DET1: variants seen among roughly 807,000 people sequenced by gnomAD.
DET1 encodes DET1 partner of COP1 E3 ubiquitin ligase.
In DET1, 22 loss-of-function variants were observed where a neutral mutation model predicts 43.7. The ratio of observed to expected loss-of-function variants is 0.50; its 90% CI spans 0.36 to 0.72. DET1 has a LOEUF of 0.72. DET1 is among the 30% of genes least tolerant of loss of function. DET1 has a pLI of 0.00. For missense variants in DET1, 713 were observed against 713.3 expected, an observed-to-expected ratio of 1.00 and a Z score of 0.00; for synonymous variants, 315 against 266.2, an observed-to-expected ratio of 1.18 and a Z score of -1.79.
intron 1 of DET1, among the ~76,000 whole-genome samples, chr15:88,538,304 G>A (rs563329914): frequency 1.3e-5 from 2 of 150,878 alleles, no homozygotes; most frequent in Non-Finnish European, 3.0e-5. Flanking sequence ...ATAAGATACT[G>A]TGGCAAGCTA....
At chr15:88,511,695 G>A, downstream of DET1, 1 of 745,646 alleles carries the variant, frequency 1.3e-6, no homozygotes, top group Non-Finnish European at 1.6e-6. Context: ...CATAGCAGGT[G>A]CTCAAATCCT....
intron 2 of DET1, among the ~76,000 whole-genome samples, chr15:88,530,183 C>T (rs1025591277): frequency 6.6e-6 from 1 of 152,116 alleles, no homozygotes; most frequent in African/African-American, 2.4e-5. Flanking sequence ...TGACATTAAC[C>T]ATTTAAGGAT....
At position 88,516,947 on chromosome 15, in the gene DET1, T is replaced by C. The variant is rs1468813339; in HGVS notation, c.1298A>G (p.Lys433Arg). ...TACTGCCTCTGTGTGCCCTCCATAC[T>C]TGGCATTTATAATAGTGTCTTTGAA... ...RRFKDTIINA[K>R]YGGHTEAVRR... The change falls in exon 4 of 5, where the codon AAG becomes AGG. Residue 433 changes from lysine to arginine, a missense_variant. Coordinates refer to ENST00000268148, the MANE Select transcript of DET1 (RefSeq NM_001144074.3). The surrounding 1 kb of genome is among the most constrained non-coding windows in gnomAD (Gnocchi z 4.4). 1.3e-6 allele frequency: 2 copies of C among 1,599,918 alleles called. No homozygotes were observed. The highest frequency in any genetic ancestry group is 1.3e-5 in the African/African-American group (1 of 74,570).
downstream of DET1, among the ~76,000 whole-genome samples, chr15:88,510,765 T>G (rs1462612554): frequency 1.6e-4 from 23 of 146,912 alleles, no homozygotes; most frequent in Admixed American, 1.6e-3. Context: ...TTTTGTTTTT[T>G]TTTTTGTTTT....
chr15:88,537,836 A>G (rs2056993055), intron 1 of DET1, among the ~76,000 whole-genome samples: 1 of 152,164 alleles, frequency 6.6e-6, no homozygotes, highest in Non-Finnish European at 1.5e-5. Context: ...CTCAAGTTGC[A>G]GCTTAAGTGC....
chr15:88,519,725 C>T (rs1187217003), intron 3 of DET1, among the ~76,000 whole-genome samples: 1 of 152,162 alleles, frequency 6.6e-6, no homozygotes, highest in Non-Finnish European at 1.5e-5. Flanking sequence ...AAAACTACAG[C>T]CTCCAGTTAA....
At chr15:88,536,364 T>G (rs1278090602) in intron 1 of DET1, 4 of 778,048 alleles carry the variant, frequency 5.1e-6, no homozygotes. Context: ...GTCTAATTCC[T>G]TGCTGTATTC....
intron 3 of DET1, among the ~76,000 whole-genome samples, chr15:88,521,602 G>A (rs1264045609): frequency 6.6e-6 from 1 of 152,100 alleles, no homozygotes; most frequent in Non-Finnish European, 1.5e-5. Context: ...AGGTACATGA[G>A]AGGTAATCTT....
chr15:88,512,932 T>G lies in DET1; in HGVS notation c.*19A>C. On this transcript the variant is annotated 3_prime_UTR_variant, in exon 5 of 5. Transcript: ENST00000268148. ...GGCAAAGTCTTGGAAGACCAGATAA[T>G]CTGGCTCTGGTGAGGCACCTACGTG... is the stretch of plus-strand genomic sequence containing the variant. The G allele has an allele frequency of 6.2e-7, 1 of 1,609,958 alleles. No individual in the cohort carries two copies. The highest frequency in any genetic ancestry group is 2.2e-5 in the East Asian group (1 of 44,776).
intron 3 of DET1, among the ~76,000 whole-genome samples, chr15:88,523,205 T>C (rs915894290): frequency 2.6e-5 from 4 of 152,118 alleles, no homozygotes; most frequent in Non-Finnish European, 4.4e-5. Context: ...CTTTATTCTG[T>C]TTGTTTTGTG....
At chr15:88,537,466 G>C (rs1438681700) in intron 1 of DET1, among the ~76,000 whole-genome samples, 2 of 152,098 alleles carry the variant, frequency 1.3e-5, no homozygotes, top group Admixed American at 6.5e-5. Flanking sequence ...CTCCCAAAGT[G>C]CTAGGATTAC....
downstream of DET1, chr15:88,511,581 C>T: frequency 1.0e-6 from 1 of 985,444 alleles, no homozygotes; most frequent in Non-Finnish European, 1.2e-6. Context: ...TCTGTCTCCA[C>T]TGTCCCTAGA....
At chr15:88,515,557 A>AAAAAAAAAAAAAAAAAAAAAAAAAAT (rs1361389235) in intron 4 of DET1, among the ~76,000 whole-genome samples, 1 of 149,052 alleles carries the variant, frequency 6.7e-6, no homozygotes, top group Non-Finnish European at 1.5e-5. Flanking sequence ...AAAAAAAAAA[A>AAAAAAAAAAAAAAAAAAAAAAAAAAT]AAAAAAAAAA....
At chr15:88,512,297 C>T, downstream of DET1, 5 of 977,700 alleles carry the variant, frequency 5.1e-6, no homozygotes, top group Non-Finnish European at 4.9e-6. Context: ...CAAGCAAAAA[C>T]CCGAGGGAAG....
rs1567059846 is a variant in DET1, at chr15:88,518,076, CG to C, written c.1272-1104del. Among the ~76,000 whole-genome samples the C allele has an allele frequency of 2.0e-5, 3 of 151,216 alleles. No homozygotes were observed. The East Asian group carries it at 5.9e-4, about 30-fold the overall frequency. ...ACCTCAGCTTCCCAAGTAGCCAGGA[CG>C]ACAGGTGCGTGCCACCACACCCAGC... On this transcript the variant is annotated intron_variant, in intron 3 of 4. Coordinates refer to ENST00000268148, the MANE Select transcript of DET1 (RefSeq NM_001144074.3).
intron 2 of DET1, among the ~76,000 whole-genome samples, chr15:88,528,648 G>A (rs573660280): frequency 6.6e-6 from 1 of 152,318 alleles, no homozygotes; most frequent in Admixed American, 6.5e-5. Flanking sequence ...GAAGCTCCAA[G>A]AACCCCTAAT....
chr15:88,508,929 G>A (rs888211298), downstream of DET1, among the ~76,000 whole-genome samples: 1 of 152,220 alleles, frequency 6.6e-6, no homozygotes, highest in African/African-American at 2.4e-5. Context: ...TAAAATAATT[G>A]CAGGAACAAA....
At chr15:88,508,640 C>T (rs979041822), downstream of DET1, among the ~76,000 whole-genome samples, 1 of 152,142 alleles carries the variant, frequency 6.6e-6, no homozygotes, top group Non-Finnish European at 1.5e-5. Flanking sequence ...CTAGAGGTGA[C>T]CACTGTATTG....
At chr15:88,539,950 T>C (rs772188521) in intron 1 of DET1, among the ~76,000 whole-genome samples, 1 of 152,150 alleles carries the variant, frequency 6.6e-6, no homozygotes, top group Non-Finnish European at 1.5e-5. Context: ...GAACACTGTG[T>C]AGGGAAACCT....
Sources: allele counts gnomAD v4.1 joint callset (sites outside exome capture counted in the v4.1 genomes callset), GRCh38; gene constraint gnomAD v4.1.1; non-coding constraint Gnocchi (gnomAD v3.1); transcripts MANE v1.5; gene names NCBI Gene and HGNC (gene_info 2026-07-23, HGNC 2026-07-21).